Variants in LMF1 observed in about 807,000 individuals in gnomAD.
LMF1 encodes the protein lipase maturation factor 1.
In LMF1, 68 loss-of-function variants were observed where a neutral mutation model predicts 60.6. That is an observed-to-expected ratio of 1.12 (90% confidence interval 0.92 to 1.37). The LOEUF (loss-of-function observed/expected upper bound fraction) is 1.37. Ranked by LOEUF, LMF1 falls within the 40% of genes most tolerant of loss-of-function variation. The pLI is 0.00. For missense variants in LMF1, 948 were observed against 767.2 expected, an observed-to-expected ratio of 1.24 and a Z score of -2.78; for synonymous variants, 418 against 324.7, an observed-to-expected ratio of 1.29 and a Z score of -3.09.
At chr16:873,562 G>A (rs2069872041) in intron 6 of LMF1, 1 of 151,236 alleles carries the variant, frequency 6.6e-6, no homozygotes, top group African/African-American at 2.4e-5. Flanking sequence ...GGCTTGTGGG[G>A]ACCCTCTGCC....
intron 5 of LMF1, among the ~76,000 whole-genome samples, chr16:888,994 T>C (rs1427806334): frequency 1.3e-5 from 2 of 152,170 alleles, no homozygotes; most frequent in Non-Finnish European, 2.9e-5. Context: ...ATGGCTCTGG[T>C]CCCTCTGCCG....
upstream of LMF1, chr16:971,000 CCGG>C (rs757847165): frequency 0.19 from 270,137 of 1,423,560 alleles, 27,455 homozygotes; most frequent in African/African-American, 0.31. Context: ...GGGCGCACTC[CCGG>C]AGGCCCCGCC....
chr16:861,244 T>G (rs2069455156), intron 10 of LMF1, among the ~76,000 whole-genome samples: 1 of 152,200 alleles, frequency 6.6e-6, no homozygotes, highest in African/African-American at 2.4e-5. Flanking sequence ...GTTCTGCGTA[T>G]TTAATTTAGG....
At position 854,357 on chromosome 16, in the gene LMF1, C is replaced by T. The variant is rs190944528; in HGVS notation, c.*175G>A. ...CCCCAGGTGGGCAGGGCCTGGGAGCCGCCACAGTATGTGACAACAGACCCC... is the reference window on the plus strand; with the variant it reads ...CCCCAGGTGGGCAGGGCCTGGGAGCTGCCACAGTATGTGACAACAGACCCC... On this transcript the variant is annotated 3_prime_UTR_variant, in exon 11 of 11. Transcript: ENST00000262301. The T allele has an allele frequency of 8.0e-4, 616 of 771,018 alleles. 3 individuals are homozygous for T. Among genetic ancestry groups the T allele is most frequent in the Middle Eastern group, 3.8e-3 (11 of 2,858 alleles). The allele number at this position is 771,018 out of a possible 1,614,324, so 47.8% of individuals were successfully genotyped here. A position where few individuals can be genotyped will look rare whatever the true frequency, so the allele number is the denominator to read the frequency against.
At chr16:917,362 TGAAGAAATGCCA>T (rs2071310349) in intron 3 of LMF1, among the ~76,000 whole-genome samples, 2 of 102,840 alleles carry the variant, frequency 1.9e-5, no homozygotes, top group Non-Finnish European at 3.7e-5. Flanking sequence ...CAGGCCCACG[TGAAGAAATGCCA>T]CACGTGTGCG....
In LMF1 at chr16:954,552, C is replaced by T. The variant is rs774729607; in HGVS notation, c.308G>A (p.Ser103Asn). The change falls in exon 2 of 11, where the codon AGC becomes AAC. Residue 103 changes from serine to asparagine, a missense_variant. Transcript: ENST00000262301. The part of the protein sequence containing the change: ...NFQQYFQDRT[S>N]WEVFSYMPTI... ...GGGCATGTAGCTGAAGACTTCCCAGCTCGTCCTGTCCTGGAAGTACTGCTG... is the reference window on the plus strand; with the variant it reads ...GGGCATGTAGCTGAAGACTTCCCAGTTCGTCCTGTCCTGGAAGTACTGCTG... 1.1e-5 allele frequency: 17 copies of T among 1,613,320 alleles called. No homozygotes were observed. The highest frequency in any genetic ancestry group is 5.0e-5 in the Admixed American group (3 of 59,990).
chr16:939,308 G>A (rs1049936604), intron 2 of LMF1, among the ~76,000 whole-genome samples: 3 of 152,158 alleles, frequency 2.0e-5, no homozygotes, highest in African/African-American at 7.2e-5. Flanking sequence ...CGTCCACCAC[G>A]CACACCCTGA....
intron 4 of LMF1, among the ~76,000 whole-genome samples, chr16:898,383 A>G (rs1555454651): frequency 6.6e-6 from 1 of 152,216 alleles, no homozygotes; most frequent in Non-Finnish European, 1.5e-5. Context: ...AGGGGCACTG[A>G]CTTTCTGACC....
chr16:892,778 C>T (rs902989885), intron 5 of LMF1, among the ~76,000 whole-genome samples: 1 of 152,300 alleles, frequency 6.6e-6, no homozygotes, highest in Admixed American at 6.5e-5. Context: ...CCAGAGCAAA[C>T]CAGCTGCACT....
At chr16:907,757 G>T (rs2071007281) in intron 4 of LMF1, among the ~76,000 whole-genome samples, 1 of 152,144 alleles carries the variant, frequency 6.6e-6, no homozygotes, top group Non-Finnish European at 1.5e-5. Context: ...CTCTGCTGCT[G>T]TCACTTTCTT....
chr16:870,614 C>T, intron 8 of LMF1, 115 bp downstream of exon 8: 4 of 1,242,622 alleles, frequency 3.2e-6, no homozygotes, highest in East Asian at 2.3e-5. Context: ...TGGGGTGGGG[C>T]AGGGGACACT....
At chr16:916,592 G>T (rs1387240061) in intron 3 of LMF1, among the ~76,000 whole-genome samples, 1 of 152,192 alleles carries the variant, frequency 6.6e-6, no homozygotes, top group Non-Finnish European at 1.5e-5. Flanking sequence ...CGCGCCAGTG[G>T]CGGGGCTGGG....
chr16:879,020 C>T (rs1316634843), intron 6 of LMF1, among the ~76,000 whole-genome samples: 3 of 152,042 alleles, frequency 2.0e-5, no homozygotes, highest in African/African-American at 4.8e-5. Flanking sequence ...TCCTTCGAGG[C>T]GCCCTCAATG....
In LMF1 at chr16:970,940, G is replaced by C. The variant is rs759977380; in HGVS notation, c.41C>G (p.Ser14Trp). The C allele has an allele frequency of 6.4e-7, 1 of 1,550,524 alleles. No individual in the cohort carries two copies. Among genetic ancestry groups the C allele is most frequent in the Non-Finnish European group, 8.7e-7 (1 of 1,144,232 alleles). ...DSPTMAAPAE[S>W]LRRRKTGYSD... ...GTACCCAGTCTTCCGCCTCCTCAGCGACTCCGCGGGCGCCGCCATTGTTGG... is the reference window on the plus strand; with the variant it reads ...GTACCCAGTCTTCCGCCTCCTCAGCCACTCCGCGGGCGCCGCCATTGTTGG... Residue 14 changes from serine to tryptophan, a missense_variant, in exon 1 of 11, where the codon TCG becomes TGG. By Grantham distance (177) the Ser-to-Trp change is radical. Coordinates refer to ENST00000262301, the MANE Select transcript of LMF1 (RefSeq NM_022773.4).
chr16:871,323 C>G lies in LMF1; in HGVS notation c.916G>C (p.Gly306Arg). ...ILFQAVLIVS[G>R]NLSFLNWLTM... ...AGCCAGTTCAGGAAGCTGAGGTTCC[C>G]GCTGACGATGAGGACGGCCTGTGGA... is the stretch of plus-strand genomic sequence containing the variant. The change falls in exon 7 of 11, where the codon GGG becomes CGG. Residue 306 changes from glycine to arginine, a missense_variant. Coordinates refer to ENST00000262301, the MANE Select transcript of LMF1 (RefSeq NM_022773.4). 1 of 1,612,338 alleles carries G rather than the reference C, an allele frequency of 6.2e-7. No homozygotes were observed. The highest frequency in any genetic ancestry group is 1.3e-5 in the African/African-American group (1 of 75,038).
chr16:974,653 C>T (rs1006546067), upstream of LMF1, among the ~76,000 whole-genome samples: 1 of 152,226 alleles, frequency 6.6e-6, no homozygotes, highest in Non-Finnish European at 1.5e-5. Flanking sequence ...GCCAGCACAG[C>T]CCCCAGGACC....
intron 1 of LMF1, among the ~76,000 whole-genome samples, chr16:967,429 C>T (rs2151493478): frequency 6.6e-6 from 1 of 152,352 alleles, no homozygotes; most frequent in Admixed American, 6.5e-5. Context: ...GGTGCCCACT[C>T]TTGGGTTCGG....
intron 1 of LMF1, among the ~76,000 whole-genome samples, chr16:966,444 G>A (rs192291338): frequency 7.9e-5 from 12 of 152,348 alleles, no homozygotes; most frequent in African/African-American, 2.9e-4. Context: ...GTGTCTCTGC[G>A]CCGACGCCAT....
chr16:871,724 CAG>C (rs932990652), intron 6 of LMF1: 1 of 203,396 alleles, frequency 4.9e-6, no homozygotes, highest in African/African-American at 2.3e-5. Context: ...TGAGTCCAAA[CAG>C]AGGAGGCTGT....
Sources: gnomAD v4.1 joint callset for allele counts (sites outside exome capture counted in the v4.1 genomes callset) on GRCh38, gnomAD v4.1.1 for gene constraint, MANE v1.5 for transcripts, NCBI Gene and HGNC (gene_info 2026-07-23, HGNC 2026-07-21) for gene names.